The following MMP25 variants were observed in gnomAD, a reference collection of about 807,000 sequenced individuals.
MMP25 encodes the protein matrix metallopeptidase 25.
In MMP25, 68 loss-of-function variants were observed where a neutral mutation model predicts 62.1. The ratio of observed to expected loss-of-function variants is 1.10; its 90% CI spans 0.90 to 1.34. MMP25 has a LOEUF of 1.34. Among genes scored for constraint, MMP25 ranks in the 40% most tolerant of loss-of-function variants. The pLI is 0.00. For synonymous variants in MMP25, 407 were observed against 345.6 expected (o/e 1.18, Z -1.97); for missense variants, 942 against 792.5 (o/e 1.19, Z -2.26).
chr16:3,059,874 C>T lies in MMP25; in HGVS notation c.*776C>T, dbSNP rs1956085264. Reference sequence around the variant, plus strand: ...ACCTTTTCCGTTGCTCCCCCGCCACCCACCTCCTCCTCCCCAGGCCACCCA... The same window carrying T: ...ACCTTTTCCGTTGCTCCCCCGCCACTCACCTCCTCCTCCCCAGGCCACCCA... On this transcript the variant is annotated 3_prime_UTR_variant, in exon 10 of 10. Transcript: ENST00000336577. The T allele has an allele frequency of 6.6e-6, 1 of 152,500 alleles. No homozygotes were observed. The highest frequency in any genetic ancestry group is 2.4e-5 in the African/African-American group (1 of 41,422). 9.4% of individuals were successfully genotyped at this position (152,500 alleles called of 1,614,324 possible). A position where few individuals can be genotyped will look rare whatever the true frequency, so the allele number is the denominator to read the frequency against.
Position 3,058,529 on chromosome 16 carries a change from G to C in MMP25, c.1277G>C (p.Gly426Ala). Reference sequence around the variant, plus strand: ...GCCGTGTTCTCGTGGCCACAGAACGGGAAGACCTACCTGGTCCGCGGCCGG... The same window carrying C: ...GCCGTGTTCTCGTGGCCACAGAACGCGAAGACCTACCTGGTCCGCGGCCGG... ...VDAVFSWPQN[G>A]KTYLVRGRQY... The change falls in exon 9 of 10, where the codon GGG becomes GCG. Residue 426 changes from glycine (G) to alanine (A), a missense_variant. Transcript: ENST00000336577. The C allele has an allele frequency of 6.2e-7, 1 of 1,611,116 alleles. No individual in the cohort carries two copies. Among genetic ancestry groups the C allele is most frequent in the South Asian group, 1.1e-5 (1 of 90,868 alleles).
intron 4 of MMP25, chr16:3,053,607 G>A (rs553795617): frequency 4.6e-5 from 7 of 152,150 alleles, no homozygotes; most frequent in South Asian, 2.1e-4. Context: ...AGCAGTCCAC[G>A]GGGGTTGGCG....
chr16:3,050,213 C>G (rs753966870), intron 3 of MMP25, 41 bp from the exon 4 acceptor site: 2 of 1,573,682 alleles, frequency 1.3e-6, no homozygotes, highest in Non-Finnish European at 1.7e-6. Context: ...GCTGCCTGCT[C>G]CCTCCACGGC....
intron 9 of MMP25, 39 bp from the exon 10 acceptor site, chr16:3,058,788 G>A (rs1956063366): frequency 6.7e-7 from 1 of 1,498,062 alleles, no homozygotes; most frequent in East Asian, 2.4e-5. Context: ...GGGAGCGGCG[G>A]GGCGGGGAGG....
chr16:3,057,553 C>G lies in MMP25; in HGVS notation c.946C>G (p.Arg316Gly), dbSNP rs756768550. 4 of 1,614,088 alleles carry G rather than the reference C, an allele frequency of 2.5e-6. No homozygotes were observed. Among genetic ancestry groups the G allele is most frequent in the Non-Finnish European group, 3.4e-6 (4 of 1,179,986 alleles). ...THSPSFPIPD[R>G]CEGNFDAIAN... ...CAGCCCATCCTTCCCCATCCCTGAT[C>G]GATGTGAGGGCAATTTTGACGCCAT... Residue 316 changes from arginine (R) to glycine (G), a missense_variant, in exon 7 of 10, where the codon CGA becomes GGA. Coordinates refer to ENST00000336577, the MANE Select transcript of MMP25 (RefSeq NM_022468.5).
chr16:3,058,186 T>C lies in MMP25; in HGVS notation c.1012T>C (p.Trp338Arg), dbSNP rs772154857. The C allele has an allele frequency of 3.1e-6, 5 of 1,612,484 alleles. No individual in the cohort carries two copies. The highest frequency in any genetic ancestry group is 4.2e-6 in the Non-Finnish European group (5 of 1,179,348). The change falls in exon 8 of 10, where the codon TGG becomes CGG. Residue 338 changes from tryptophan to arginine, a missense_variant. Coordinates refer to ENST00000336577, the MANE Select transcript of MMP25 (RefSeq NM_022468.5). ...AACCCCTTTGTCCCCTGCAGGCCCC[T>C]GGTTCTGGCGCCTCCAGCCCTCCGG... ...RGETFFFKGP[W>R]FWRLQPSGQL...
At chr16:3,051,471 C>G (rs1320832763) in intron 4 of MMP25, 3 of 152,346 alleles carry the variant, frequency 2.0e-5, no homozygotes, top group African/African-American at 7.2e-5. Context: ...GACTTAAGGT[C>G]AACTGATTGT....
At chr16:3,055,619 C>T (rs1481164965) in intron 4 of MMP25, 3 of 337,016 alleles carry the variant, frequency 8.9e-6, no homozygotes, top group South Asian at 2.2e-5. Context: ...TTTGCTACCC[C>T]TCTTAGGTCT....
At chr16:3,048,612 T>C (rs1022321732) in intron 2 of MMP25, among the ~76,000 whole-genome samples, 101 of 151,322 alleles carry the variant, frequency 6.7e-4, no homozygotes, top group African/African-American at 2.3e-3. Flanking sequence ...GGAAGAAGAG[T>C]GTCCCGGGCA....
In MMP25 at chr16:3,046,887, A is replaced by G; in HGVS notation, c.-31A>G. ...GCGGCCCCAGCCAGGCCCCCTTCGAACCCCGCCGGCGGCCCGGGCTGGGGC... is the reference window on the plus strand; with the variant it reads ...GCGGCCCCAGCCAGGCCCCCTTCGAGCCCCGCCGGCGGCCCGGGCTGGGGC... On this transcript the variant is annotated 5_prime_UTR_variant, in exon 1 of 10. Coordinates refer to ENST00000336577, the MANE Select transcript of MMP25 (RefSeq NM_022468.5). The G allele has an allele frequency of 7.5e-7, 1 of 1,336,392 alleles. No homozygotes were observed. The highest frequency in any genetic ancestry group is 9.7e-7 in the Non-Finnish European group (1 of 1,035,220). The allele number at this position is 1,336,392 out of a possible 1,614,324, so 82.8% of individuals were successfully genotyped here. A position where few individuals can be genotyped will look rare whatever the true frequency, so the allele number is the denominator to read the frequency against.
Position 3,057,385 on chromosome 16 carries a change from CCA to C in MMP25, c.921_922del (p.His307GlnfsTer8), listed in dbSNP as rs1230880580. 6 of 1,612,490 alleles carry C rather than the reference CCA, an allele frequency of 3.7e-6. No homozygotes were observed. Among genetic ancestry groups the C allele is most frequent in the South Asian group, 1.1e-5 (1 of 90,826 alleles). On this transcript the variant is annotated frameshift_variant, in exon 6 of 10. Transcript: ENST00000336577. LOFTEE classifies it high-confidence loss of function. ...CCTCCGCCCCAGCCCCCGGCCTCGC[CCA>C]CACACAGGTGAGTCCCCCACCAACT...
At chr16:3,057,995 G>C in intron 7 of MMP25, 186 bp from the exon 8 acceptor site, 1 of 664,904 alleles carries the variant, frequency 1.5e-6, no homozygotes, top group Non-Finnish European at 2.5e-6. Flanking sequence ...GAGCCACCAG[G>C]CAAGGCCCTG....
In MMP25 at chr16:3,059,011, C is replaced by A. The variant is rs1245036230; in HGVS notation, c.1602C>A (p.Cys534Ter). 6.4e-7 allele frequency: 1 copy of A among 1,556,494 alleles called. No individual in the cohort carries two copies. Among genetic ancestry groups the A allele is most frequent in the Non-Finnish European group, 8.7e-7 (1 of 1,150,006 alleles). ...TGTCCGAAACCTGCGATTGTCAGTGCGAGCTCAACCAGGCCGCAGGACGTT... is the reference window on the plus strand; with the variant it reads ...TGTCCGAAACCTGCGATTGTCAGTGAGAGCTCAACCAGGCCGCAGGACGTT... ...TPVSETCDCQ[C>*]ELNQAAGRWP... Residue 534 changes from cysteine (C) to a stop codon, truncating the protein, a stop_gained, in exon 10 of 10, where the codon TGC (cysteine) becomes TGA (stop). Transcript: ENST00000336577. LOFTEE classifies it high-confidence loss of function.
chr16:3,049,530 C>T (rs1351025491), intron 2 of MMP25, among the ~76,000 whole-genome samples: 1 of 152,186 alleles, frequency 6.6e-6, no homozygotes, highest in African/African-American at 2.4e-5. Context: ...AGACCTAACC[C>T]AGGAGGGGGT....
Position 3,059,000 on chromosome 16 carries a change from G to T in MMP25, c.1591G>T (p.Asp531Tyr), listed in dbSNP as rs772562593. ...AGCGACCCCCGTGTCCGAAACCTGCGATTGTCAGTGCGAGCTCAACCAGGC... is the reference window on the plus strand; with the variant it reads ...AGCGACCCCCGTGTCCGAAACCTGCTATTGTCAGTGCGAGCTCAACCAGGC... ...PKATPVSETC[D>Y]CQCELNQAAG... The change falls in exon 10 of 10, where the codon GAT becomes TAT. Residue 531 changes from aspartate to tyrosine, a missense_variant. Coordinates refer to ENST00000336577, the MANE Select transcript of MMP25 (RefSeq NM_022468.5). 1.0e-4 allele frequency: 158 copies of T among 1,556,356 alleles called. No homozygotes were observed. The highest frequency in any genetic ancestry group is 7.7e-5 in the Admixed American group (4 of 51,950).
rs1041067120 is a variant in MMP25, at chr16:3,060,401, C to T, written c.*1303C>T. 1 of 152,088 alleles carries T rather than the reference C, an allele frequency of 6.6e-6. No individual in the cohort carries two copies. The allele number at this position is 152,088 out of a possible 1,614,324, so 9.4% of individuals were successfully genotyped here. A position where few individuals can be genotyped will look rare whatever the true frequency, so the allele number is the denominator to read the frequency against. ...CAGGACCAATATGTTCAGGCCACAC[C>T]GATGGCCTGAACCCCATGGGTAGAG... On this transcript the variant is annotated 3_prime_UTR_variant, in exon 10 of 10. Coordinates refer to ENST00000336577, the MANE Select transcript of MMP25 (RefSeq NM_022468.5).
At position 3,050,237 on chromosome 16, in the gene MMP25, C is replaced by T; in HGVS notation, c.369-17C>T. 1 of 1,581,208 alleles carries T rather than the reference C, an allele frequency of 6.3e-7. No homozygotes were observed. The highest frequency in any genetic ancestry group is 1.2e-5 in the South Asian group (1 of 86,270). ...TCCCTCCACGGCCACCCTTACACCT[C>T]ACTCCCCTCTCCCCAGGGTACGTTC... On this transcript the variant is annotated splice_polypyrimidine_tract_variant and intron_variant, in intron 3 of 9. Coordinates refer to ENST00000336577, the MANE Select transcript of MMP25 (RefSeq NM_022468.5).
chr16:3,059,947 A>G lies in MMP25; in HGVS notation c.*849A>G, dbSNP rs1956086176. ...AGAACTGCCTTCCATTCAATGGGGAACCCTTCTATCCCCAAGAACCCCTTC... is the reference window on the plus strand; with the variant it reads ...AGAACTGCCTTCCATTCAATGGGGAGCCCTTCTATCCCCAAGAACCCCTTC... On this transcript the variant is annotated 3_prime_UTR_variant, in exon 10 of 10. Coordinates refer to ENST00000336577, the MANE Select transcript of MMP25 (RefSeq NM_022468.5). The G allele has an allele frequency of 1.3e-5, 2 of 152,130 alleles. No homozygotes were observed. Among genetic ancestry groups the G allele is most frequent in the Admixed American group, 6.6e-5 (1 of 15,262 alleles). 9.4% of individuals were successfully genotyped at this position (152,130 alleles called of 1,614,324 possible).
chr16:3,058,224 C>T lies in MMP25; in HGVS notation c.1050C>T (p.Ser350=). The T allele has an allele frequency of 6.2e-7, 1 of 1,612,708 alleles. No individual in the cohort carries two copies. The highest frequency in any genetic ancestry group is 2.2e-5 in the East Asian group (1 of 44,732). Reference sequence around the variant, plus strand: ...TCCAGCCCTCCGGACAGCTGGTGTCCCCGCGACCCGCACGGCTGCACCGCT... The same window carrying T: ...TCCAGCCCTCCGGACAGCTGGTGTCTCCGCGACCCGCACGGCTGCACCGCT... ...WRLQPSGQLV[S]PRPARLHRFW... The change falls in exon 8 of 10, where the codon TCC becomes TCT. Residue 350 remains serine (S), a synonymous_variant. Coordinates refer to ENST00000336577, the MANE Select transcript of MMP25 (RefSeq NM_022468.5).
Sources: gnomAD v4.1 joint callset for allele counts (sites outside exome capture counted in the v4.1 genomes callset) on GRCh38, gnomAD v4.1.1 for gene constraint, MANE v1.5 for transcripts, NCBI Gene and HGNC (gene_info 2026-07-23, HGNC 2026-07-21) for gene names.